Variants in MIPEP observed in about 807,000 individuals in gnomAD.
The protein encoded by MIPEP is mitochondrial intermediate peptidase.
In MIPEP, 79 loss-of-function variants were observed where a neutral mutation model predicts 90.3. The observed-to-expected ratio is 0.87, with a 90% CI of 0.73 to 1.05. MIPEP has a LOEUF of 1.05. Among genes scored for constraint, MIPEP ranks in the 50% least tolerant of loss-of-function variants. The probability of loss-of-function intolerance (pLI) is 0.00; values close to 1 mark genes in which losing one functional copy is unlikely to be tolerated. For synonymous variants in MIPEP, 334 were observed against 315.8 expected (o/e 1.06, Z -0.61); for missense variants, 940 against 905.6 (o/e 1.04, Z -0.49).
chr13:23,765,688 C>G (rs183639824), intron 16 of MIPEP, among the ~76,000 whole-genome samples: 1 of 152,166 alleles, frequency 6.6e-6, no homozygotes, highest in African/African-American at 2.4e-5. Flanking sequence ...GGAAGCACAA[C>G]GGGAACTCGA....
chr13:23,747,559 A>G (rs1408993720), intron 18 of MIPEP: 3 of 512,648 alleles, frequency 5.9e-6, no homozygotes, highest in Non-Finnish European at 1.2e-5. Flanking sequence ...GAGTAAGAGA[A>G]CAGCTGAGAG....
At chr13:23,785,103 T>A (rs1952824197) in intron 16 of MIPEP, among the ~76,000 whole-genome samples, 1 of 151,944 alleles carries the variant, frequency 6.6e-6, no homozygotes, top group Non-Finnish European at 1.5e-5. Flanking sequence ...GATCTAGAAC[T>A]AGAAATACCA....
chr13:23,818,486 G>T (rs1166389108), intron 14 of MIPEP, among the ~76,000 whole-genome samples: 1 of 152,018 alleles, frequency 6.6e-6, no homozygotes. Flanking sequence ...GAGTTAAACA[G>T]AGCAAAGGAC....
At position 23,862,358 on chromosome 13, in the gene MIPEP, G is replaced by C. The variant is rs1037117296; in HGVS notation, c.997C>G (p.Leu333Val). 3 of 1,573,188 alleles carry C rather than the reference G, an allele frequency of 1.9e-6. No homozygotes were observed. The highest frequency in any genetic ancestry group is 2.6e-6 in the Non-Finnish European group (3 of 1,151,186). ...CCTCGTATCATCTCAAAATCTTTCA[G>C]AGTTCTATAAAACAGGTTTATCATT... is the stretch of plus-strand genomic sequence containing the variant. ...KLSDKLSERTLKDFEMIRGMK... is the reference protein window; with the variant it reads ...KLSDKLSERTVKDFEMIRGMK... Residue 333 changes from leucine to valine, a missense_variant, in exon 9 of 19, where the codon CTG becomes GTG. By Grantham distance (32) the Leu-to-Val change is conservative. Coordinates refer to ENST00000382172, the MANE Select transcript of MIPEP (RefSeq NM_005932.4).
At chr13:23,745,366 T>C (rs191294630) in intron 18 of MIPEP, among the ~76,000 whole-genome samples, 2 of 152,338 alleles carry the variant, frequency 1.3e-5, no homozygotes, top group East Asian at 3.9e-4. Flanking sequence ...AGAAGATGTC[T>C]TGTAAATGCT....
chr13:23,851,094 C>G (rs755234135), intron 10 of MIPEP, among the ~76,000 whole-genome samples: 2 of 152,226 alleles, frequency 1.3e-5, no homozygotes, highest in Non-Finnish European at 2.9e-5. Flanking sequence ...CTGAGTCCAG[C>G]AACAGACCCT....
intron 17 of MIPEP, among the ~76,000 whole-genome samples, chr13:23,759,853 G>T (rs929797547): frequency 6.6e-6 from 1 of 152,132 alleles, no homozygotes; most frequent in Non-Finnish European, 1.5e-5. Context: ...ACACCACACA[G>T]CCACCTCTAC....
chr13:23,810,714 G>A (rs1284395390), intron 14 of MIPEP, among the ~76,000 whole-genome samples: 1 of 152,202 alleles, frequency 6.6e-6, no homozygotes, highest in African/African-American at 2.4e-5. Flanking sequence ...TGGTATGGTC[G>A]TATAAATTAA....
In MIPEP at chr13:23,760,190, C is replaced by A. The variant is rs765285559; in HGVS notation, c.1876G>T (p.Val626Leu). 1 of 1,613,960 alleles carries A rather than the reference C, an allele frequency of 6.2e-7. No individual in the cohort carries two copies. The highest frequency in any genetic ancestry group is 8.5e-7 in the Non-Finnish European group (1 of 1,180,020). ...GAGTAATATCTAGCACCATACCCCA[C>A]GAGGTGGCTGAATCGCAGCTGCCAG... is the stretch of plus-strand genomic sequence containing the variant. ...TAWQLRFSHL[V>L]GYGARYYSYL... The change falls in exon 17 of 19, where the codon GTG (valine) becomes TTG (leucine). Residue 626 changes from valine (V) to leucine (L), a missense_variant. Val to Leu is a conservative substitution (Grantham distance 32). Transcript: ENST00000382172.
chr13:23,736,098 C>A (rs1316586665), intron 18 of MIPEP, among the ~76,000 whole-genome samples: 1 of 152,066 alleles, frequency 6.6e-6, no homozygotes, highest in Non-Finnish European at 1.5e-5. Context: ...TTCCAAGCAC[C>A]CCTGGGAACC....
intron 17 of MIPEP, among the ~76,000 whole-genome samples, chr13:23,758,752 T>C (rs1952510698): frequency 1.3e-5 from 2 of 152,194 alleles, no homozygotes; most frequent in Non-Finnish European, 2.9e-5. Flanking sequence ...TTGAAACAAA[T>C]GTGATTATTA....
chr13:23,818,653 T>C lies in MIPEP; in HGVS notation c.1654-8729A>G, dbSNP rs114988161. ...TAGCTGGGTTGGTTACAGTTCACAT[T>C]TGCCTTATTTGAACAAGGTTTGAAC... On this transcript the variant is annotated intron_variant, in intron 14 of 18. Transcript: ENST00000382172. 8.7e-3 allele frequency among the ~76,000 whole-genome samples: 1,326 copies of C among 152,286 alleles called. 18 individuals carry two copies. The highest frequency in any genetic ancestry group is 0.031 in the African/African-American group (1,282 of 41,564).
chr13:23,773,083 C>A (rs1357271409), intron 16 of MIPEP, among the ~76,000 whole-genome samples: 1 of 152,202 alleles, frequency 6.6e-6, no homozygotes, highest in Non-Finnish European at 1.5e-5. Flanking sequence ...AACTCCAGCA[C>A]ATTTTCTCAC....
At chr13:23,739,040 T>C (rs893291306) in intron 18 of MIPEP, among the ~76,000 whole-genome samples, 1 of 152,264 alleles carries the variant, frequency 6.6e-6, no homozygotes, top group Non-Finnish European at 1.5e-5. Flanking sequence ...TGAAAAATAC[T>C]GAGCAAGAAA....
chr13:23,798,530 G>A (rs532179461), intron 16 of MIPEP, among the ~76,000 whole-genome samples: 19 of 152,126 alleles, frequency 1.2e-4, no homozygotes, highest in Admixed American at 8.5e-4. Flanking sequence ...TAAATCCCCC[G>A]ATATAGTCTA....
chr13:23,838,116 T>C (rs1869136293), intron 12 of MIPEP, among the ~76,000 whole-genome samples: 1 of 152,136 alleles, frequency 6.6e-6, no homozygotes. Flanking sequence ...GATAATGAAC[T>C]AGTAGGTACT....
chr13:23,776,091 C>G (rs893550746), intron 16 of MIPEP, among the ~76,000 whole-genome samples: 10 of 151,968 alleles, frequency 6.6e-5, no homozygotes, highest in Non-Finnish European at 1.0e-4. Flanking sequence ...TCTCTGTACC[C>G]CCCATCTATC....
chr13:23,755,762 A>G (rs996954526), intron 18 of MIPEP, among the ~76,000 whole-genome samples: 3 of 152,242 alleles, frequency 2.0e-5, no homozygotes, highest in Non-Finnish European at 2.9e-5. Context: ...AGAAAATTAC[A>G]TAGAAAAAAA....
intron 14 of MIPEP, among the ~76,000 whole-genome samples, chr13:23,812,251 T>C (rs1006702454): frequency 2.6e-5 from 4 of 151,898 alleles, no homozygotes; most frequent in African/African-American, 9.7e-5. Context: ...CCTGAAAGGC[T>C]TGATGGATGT....
Sources: gnomAD v4.1 joint callset for allele counts (sites outside exome capture counted in the v4.1 genomes callset) on GRCh38, gnomAD v4.1.1 for gene constraint, MANE v1.5 for transcripts, NCBI Gene and HGNC (gene_info 2026-07-23, HGNC 2026-07-21) for gene names.